NUDCD3: variants seen among roughly 807,000 people sequenced by gnomAD.
NUDCD3 encodes nudC domain-containing protein 3.
In NUDCD3, 13 loss-of-function variants were observed where a neutral mutation model predicts 39.7. The observed-to-expected ratio is 0.33, with a 90% confidence interval of 0.21 to 0.52. The LOEUF (loss-of-function observed/expected upper bound fraction) is 0.52. Among genes scored for constraint, NUDCD3 ranks in the 20% least tolerant of loss-of-function variants. The pLI, the probability that NUDCD3 is intolerant of heterozygous loss-of-function variation, is 0.96. For synonymous variants in NUDCD3, 175 were observed against 172.4 expected (o/e 1.02, Z -0.12); for missense variants, 453 against 458.1 (o/e 0.99, Z 0.10).
intron 3 of NUDCD3, among the ~76,000 whole-genome samples, chr7:44,414,073 T>C (rs1368508888): frequency 6.6e-6 from 1 of 151,926 alleles, no homozygotes; most frequent in Middle Eastern, 3.2e-3. Context: ...TAGAAATACA[T>C]ATACCTTTCA....
intron 2 of NUDCD3, chr7:44,484,485 C>G (rs927172489): frequency 6.5e-6 from 1 of 153,622 alleles, no homozygotes; most frequent in African/African-American, 2.4e-5. Context: ...AACTGAGACA[C>G]AGAAAGGTTA....
At chr7:44,415,028 A>G (rs1798994895) in intron 3 of NUDCD3, among the ~76,000 whole-genome samples, 1 of 152,224 alleles carries the variant, frequency 6.6e-6, no homozygotes, top group South Asian at 2.1e-4. Context: ...CTCAAGGGAA[A>G]CAGATTCACT....
intron 4 of NUDCD3, among the ~76,000 whole-genome samples, chr7:44,393,259 T>A (rs1336108540): frequency 2.0e-5 from 3 of 152,016 alleles, no homozygotes; most frequent in Non-Finnish European, 4.4e-5. Flanking sequence ...CATCCCTTGG[T>A]CAAAGGAAGC....
rs1467558570 is a variant in NUDCD3 at position 44,385,414 on chromosome 7, C to T, written c.*597G>A. 6.5e-6 allele frequency: 1 copy of T among 152,674 alleles called. No individual in the cohort carries two copies. The highest frequency in any genetic ancestry group is 6.5e-5 in the Admixed American group (1 of 15,304). 9.5% of individuals were successfully genotyped at this position (152,674 alleles called of 1,614,324 possible). A position where few individuals can be genotyped will look rare whatever the true frequency, so the allele number is the denominator to read the frequency against. Reference sequence around the variant, plus strand: ...CGTGCAAACAGGGCTCCAGTCTCCACTGCTCTGACCATGAGGCTGAGGCAG... The same window carrying T: ...CGTGCAAACAGGGCTCCAGTCTCCATTGCTCTGACCATGAGGCTGAGGCAG... On this transcript the variant is annotated 3_prime_UTR_variant, in exon 6 of 6. Coordinates refer to ENST00000355451, the MANE Select transcript of NUDCD3 (RefSeq NM_015332.4).
At chr7:44,439,397 T>G (rs1216534433) in intron 2 of NUDCD3, among the ~76,000 whole-genome samples, 1 of 152,156 alleles carries the variant, frequency 6.6e-6, no homozygotes, top group Non-Finnish European at 1.5e-5. Context: ...ATGTCCTGGC[T>G]TGGTCTGCTG....
At position 44,379,387 on chromosome 7, in the gene NUDCD3, G is replaced by T. The variant is rs1025650415; in HGVS notation, c.*6624C>A. The T allele has an allele frequency of 2.6e-5, 4 of 151,428 alleles. No individual in the cohort carries two copies. Among genetic ancestry groups the T allele is most frequent in the Middle Eastern group, 3.2e-3 (1 of 316 alleles). 9.4% of individuals were successfully genotyped at this position (151,428 alleles called of 1,614,324 possible). A position where few individuals can be genotyped will look rare whatever the true frequency, so the allele number is the denominator to read the frequency against. ...GGCAGTTGGCGGGGCGGGGCGGGGTGGGGGGGAACAGGGGACAGGGGTGGT... is the reference window on the plus strand; with the variant it reads ...GGCAGTTGGCGGGGCGGGGCGGGGTTGGGGGGAACAGGGGACAGGGGTGGT... On this transcript the variant is annotated 3_prime_UTR_variant, in exon 6 of 6. Transcript: ENST00000355451.
chr7:44,463,806 G>T (rs529373423), intron 2 of NUDCD3, among the ~76,000 whole-genome samples: 7 of 152,048 alleles, frequency 4.6e-5, no homozygotes, highest in Admixed American at 2.0e-4. Context: ...CAAAAGGAAT[G>T]TATTTTTACT....
At chr7:44,412,476 T>C (rs561085980) in intron 3 of NUDCD3, among the ~76,000 whole-genome samples, 1 of 152,260 alleles carries the variant, frequency 6.6e-6, no homozygotes, top group Non-Finnish European at 1.5e-5. Context: ...AGAACGCCTG[T>C]ATCTAATCAA....
intron 2 of NUDCD3, among the ~76,000 whole-genome samples, chr7:44,469,140 A>C (rs1486982461): frequency 6.9e-6 from 1 of 144,240 alleles, no homozygotes; most frequent in Admixed American, 6.8e-5. Flanking sequence ...AAAAAAAAAA[A>C]ACAGGAGATT....
intron 2 of NUDCD3, among the ~76,000 whole-genome samples, chr7:44,448,778 AAG>A (rs760907160): frequency 6.6e-6 from 1 of 152,114 alleles, no homozygotes; most frequent in Non-Finnish European, 1.5e-5. Flanking sequence ...AGAATACAGA[AAG>A]AGAGAGAGAG....
rs1008188075 is a variant in NUDCD3, at chr7:44,381,090, G to A, written c.*4921C>T. 1.4e-4 allele frequency: 22 copies of A among 152,468 alleles called. No individual in the cohort carries two copies. The highest frequency in any genetic ancestry group is 4.8e-4 in the African/African-American group (20 of 41,588). 9.4% of individuals were successfully genotyped at this position (152,468 alleles called of 1,614,324 possible). Reference sequence around the variant, plus strand: ...AGCGGCAATGTCTGGGTTGTTGAGGGTTTTGATGGGTGATCAATGCTGGAG... The same window carrying A: ...AGCGGCAATGTCTGGGTTGTTGAGGATTTTGATGGGTGATCAATGCTGGAG... On this transcript the variant is annotated 3_prime_UTR_variant, in exon 6 of 6. Transcript: ENST00000355451.
At chr7:44,430,215 G>GCAC (rs1799329435) in intron 2 of NUDCD3, among the ~76,000 whole-genome samples, 1 of 152,148 alleles carries the variant, frequency 6.6e-6, no homozygotes, top group South Asian at 2.1e-4. Context: ...AGACAGTGAT[G>GCAC]CACCCTGCAG....
chr7:44,415,399 GT>G (rs552091812), intron 3 of NUDCD3, among the ~76,000 whole-genome samples: 35 of 152,320 alleles, frequency 2.3e-4, no homozygotes, highest in African/African-American at 8.2e-4. Flanking sequence ...CAAAGAACAT[GT>G]GATGGAAAAG....
intron 2 of NUDCD3, among the ~76,000 whole-genome samples, chr7:44,482,471 A>G: frequency 6.6e-6 from 1 of 152,246 alleles, no homozygotes; most frequent in Middle Eastern, 3.2e-3. Flanking sequence ...TAATCCCAGC[A>G]CTTTGGTAAG....
chr7:44,404,541 G>A lies in NUDCD3; in HGVS notation c.685C>T (p.Leu229=), dbSNP rs1460511358. The stretch of plus-strand genomic sequence containing the variant: ...AGGACGCGCTCCCCATTTTCCTCCA[G>A]CATGGCCACACGAATGGAGCTGCTG... ...LSSSSIRVAM[L]EENGERVLME... is the part of the protein sequence containing the mutation. Residue 229 remains leucine (L), a synonymous_variant, in exon 4 of 6, where the codon CTG becomes TTG. Coordinates refer to ENST00000355451, the MANE Select transcript of NUDCD3 (RefSeq NM_015332.4). 17 of 1,613,902 alleles carry A rather than the reference G, an allele frequency of 1.1e-5. No individual in the cohort carries two copies. Among genetic ancestry groups the A allele is most frequent in the Non-Finnish European group, 1.4e-5 (17 of 1,180,028 alleles).
chr7:44,468,349 C>CCA, intron 2 of NUDCD3: 2 of 375,656 alleles, frequency 5.3e-6, no homozygotes, highest in South Asian at 3.9e-5. Context: ...GTAAAAACTG[C>CCA]AAAAAAAAAA....
chr7:44,394,426 G>T (rs558886274), intron 4 of NUDCD3, among the ~76,000 whole-genome samples: 1 of 152,104 alleles, frequency 6.6e-6, no homozygotes. Context: ...ACTCTACCTC[G>T]TCTTTACCAA....
chr7:44,380,831 C>G lies in NUDCD3; in HGVS notation c.*5180G>C, dbSNP rs867418054. ...GGCTCGCTTTCCCTGCTAGAGGGGC[C>G]TCCTCCAAACCCCACAGTGCCCCAA... On this transcript the variant is annotated 3_prime_UTR_variant, in exon 6 of 6. Coordinates refer to ENST00000355451, the MANE Select transcript of NUDCD3 (RefSeq NM_015332.4). The G allele has an allele frequency of 1.3e-5, 2 of 152,482 alleles. No individual in the cohort carries two copies. The highest frequency in any genetic ancestry group is 3.9e-4 in the East Asian group (2 of 5,192). The allele number at this position is 152,482 out of a possible 1,614,324, so 9.4% of individuals were successfully genotyped here.
At chr7:44,474,820 G>T (rs1770456228) in intron 2 of NUDCD3, among the ~76,000 whole-genome samples, 1 of 152,190 alleles carries the variant, frequency 6.6e-6, no homozygotes, top group Admixed American at 6.5e-5. Context: ...TCGCTTGGAG[G>T]CTTCTTATGC....
Sources: allele counts gnomAD v4.1 joint callset (sites outside exome capture counted in the v4.1 genomes callset), GRCh38; gene constraint gnomAD v4.1.1; transcripts MANE v1.5; gene names NCBI Gene and HGNC (gene_info 2026-07-23, HGNC 2026-07-21).